The following UBE2E2 variants were observed in gnomAD, a reference collection of about 807,000 sequenced individuals.
UBE2E2 encodes the protein ubiquitin conjugating enzyme E2 E2.
Under a neutral mutation model 24.7 loss-of-function variants are expected in UBE2E2, and 6 were observed. The ratio of observed to expected loss-of-function variants is 0.24; its 90% confidence interval spans 0.13 to 0.48. The LOEUF (loss-of-function observed/expected upper bound fraction) is 0.48, where lower values mean the gene tolerates loss of function less well. Among genes scored for constraint, UBE2E2 ranks in the 20% least tolerant of loss-of-function variants. The pLI, the probability that UBE2E2 is intolerant of heterozygous loss-of-function variation, is 0.99. For synonymous variants in UBE2E2, 104 were observed against 83.6 expected (o/e 1.24, Z -1.33); for missense variants, 169 against 245.0 (o/e 0.69, Z 2.07).
chr3:23,437,733 A>G (rs1320194941), intron 3 of UBE2E2, among the ~76,000 whole-genome samples: 1 of 152,124 alleles, frequency 6.6e-6, no homozygotes, highest in African/African-American at 2.4e-5. Context: ...CCTCCTTTGG[A>G]TTTCTACGTC....
At chr3:23,381,697 A>G (rs1696675464) in intron 3 of UBE2E2, among the ~76,000 whole-genome samples, 1 of 152,242 alleles carries the variant, frequency 6.6e-6, no homozygotes, top group Non-Finnish European at 1.5e-5. Context: ...TATCATTTAG[A>G]AGTAACTGCT....
chr3:23,393,688 C>T (rs370088629), intron 3 of UBE2E2, among the ~76,000 whole-genome samples: 1 of 151,880 alleles, frequency 6.6e-6, no homozygotes, highest in Non-Finnish European at 1.5e-5. Context: ...ACATAGGGGT[C>T]AGCAAACTGT....
intron 3 of UBE2E2, among the ~76,000 whole-genome samples, chr3:23,332,204 G>A (rs1695077020): frequency 6.6e-6 from 1 of 152,078 alleles, no homozygotes; most frequent in Admixed American, 6.5e-5. Context: ...AGTACAGAGT[G>A]GCATGATGTC....
intron 3 of UBE2E2, among the ~76,000 whole-genome samples, chr3:23,415,599 G>A (rs1232682574): frequency 6.6e-6 from 1 of 152,062 alleles, no homozygotes; most frequent in East Asian, 1.9e-4. Flanking sequence ...TTTGAAATCA[G>A]CAGTTAGTTT....
chr3:23,240,817 T>C (rs949952636), intron 3 of UBE2E2, among the ~76,000 whole-genome samples: 2 of 152,222 alleles, frequency 1.3e-5, no homozygotes, highest in Non-Finnish European at 2.9e-5. Flanking sequence ...AGTAACTTTT[T>C]TTCTTTTGTA....
In UBE2E2 at chr3:23,280,029, A is replaced by T. The variant is rs1344121168; in HGVS notation, c.227+62717A>T. The stretch of plus-strand genomic sequence containing the variant: ...TAATAGTAGACATTGTCTCTCATTC[A>T]CCTATTAGGCCATACATTCAAATAA... On this transcript the variant is annotated intron_variant, in intron 3 of 5. Transcript: ENST00000396703. The surrounding 1 kb of genome is among the most constrained non-coding windows in gnomAD (Gnocchi z 4.3). Among the ~76,000 whole-genome samples, 1 of 152,200 alleles carries T rather than the reference A, an allele frequency of 6.6e-6. No homozygotes were observed. Among genetic ancestry groups the T allele is most frequent in the East Asian group, 1.9e-4 (1 of 5,194 alleles).
chr3:23,567,943 TC>T (rs2125509532), intron 5 of UBE2E2, among the ~76,000 whole-genome samples: 1 of 152,238 alleles, frequency 6.6e-6, no homozygotes, highest in African/African-American at 2.4e-5. Context: ...TAATGGTTGG[TC>T]CCACCTTTAG....
chr3:23,504,482 G>A (rs1315542253), intron 4 of UBE2E2, among the ~76,000 whole-genome samples: 1 of 152,096 alleles, frequency 6.6e-6, no homozygotes, highest in Non-Finnish European at 1.5e-5. Context: ...GAGTTTGCAC[G>A]TGTTTATAGA....
intron 4 of UBE2E2, among the ~76,000 whole-genome samples, chr3:23,529,862 A>G (rs550968991): frequency 8.8e-4 from 134 of 152,218 alleles, no homozygotes; most frequent in African/African-American, 2.9e-3. Context: ...TTCTTTTACT[A>G]CCTTCCTGAG....
intron 3 of UBE2E2, among the ~76,000 whole-genome samples, chr3:23,492,918 G>T (rs1421905364): frequency 6.6e-6 from 1 of 151,740 alleles, no homozygotes; most frequent in Non-Finnish European, 1.5e-5. Context: ...TACATTTTTA[G>T]CCCACCATTT....
intron 3 of UBE2E2, among the ~76,000 whole-genome samples, chr3:23,318,811 A>G (rs1282307448): frequency 6.6e-6 from 1 of 152,208 alleles, no homozygotes; most frequent in Non-Finnish European, 1.5e-5. Flanking sequence ...TTGGGTGGGG[A>G]CACAGCCAAA....
At chr3:23,269,874 T>C (rs1275248995) in intron 3 of UBE2E2, among the ~76,000 whole-genome samples, 2 of 152,170 alleles carry the variant, frequency 1.3e-5, no homozygotes, top group South Asian at 2.1e-4. Context: ...TTATTCTGTT[T>C]ATAAGGGAAT....
chr3:23,580,015 G>T (rs1696439800), intron 5 of UBE2E2, among the ~76,000 whole-genome samples: 1 of 152,216 alleles, frequency 6.6e-6, no homozygotes, highest in Admixed American at 6.5e-5. Context: ...TGACTGAACT[G>T]CTATAATCTT....
chr3:23,337,843 A>C (rs1449411656), intron 3 of UBE2E2, among the ~76,000 whole-genome samples: 1 of 152,196 alleles, frequency 6.6e-6, no homozygotes, highest in Non-Finnish European at 1.5e-5. Context: ...TTTATCTGAC[A>C]TATAGAGAAA....
chr3:23,451,568 A>T (rs899395083), intron 3 of UBE2E2, among the ~76,000 whole-genome samples: 1 of 152,188 alleles, frequency 6.6e-6, no homozygotes, highest in Admixed American at 6.5e-5. Flanking sequence ...TGATTATGTA[A>T]TGTAAGATTT....
chr3:23,581,753 T>C (rs924193978), intron 5 of UBE2E2, among the ~76,000 whole-genome samples: 1 of 152,186 alleles, frequency 6.6e-6, no homozygotes, highest in Non-Finnish European at 1.5e-5. Context: ...ATAAAAAAAT[T>C]TTTCGTGTAA....
intron 3 of UBE2E2, among the ~76,000 whole-genome samples, chr3:23,296,227 T>A (rs1352181751): frequency 6.6e-6 from 1 of 152,208 alleles, no homozygotes; most frequent in African/African-American, 2.4e-5. Context: ...ATCTCTATTT[T>A]TTAACTGGCC....
At chr3:23,289,838 GTTTTA>G (rs1698713578) in intron 3 of UBE2E2, among the ~76,000 whole-genome samples, 1 of 152,154 alleles carries the variant, frequency 6.6e-6, no homozygotes, top group Non-Finnish European at 1.5e-5. Context: ...GTGGTAAGTT[GTTTTA>G]TTTTAAATTT....
At chr3:23,538,879 T>G (rs1222481791) in intron 5 of UBE2E2, among the ~76,000 whole-genome samples, 2 of 152,226 alleles carry the variant, frequency 1.3e-5, no homozygotes, top group East Asian at 3.8e-4. Flanking sequence ...TTGTCAATTC[T>G]GTAAAAATAA....
Sources: gnomAD v4.1 joint callset for allele counts (sites outside exome capture counted in the v4.1 genomes callset) on GRCh38, gnomAD v4.1.1 for gene constraint, Gnocchi (gnomAD v3.1) non-coding constraint, MANE v1.5 for transcripts, NCBI Gene and HGNC (gene_info 2026-07-23, HGNC 2026-07-21) for gene names.